The following RPS6KA2 variants were observed in gnomAD, a reference collection of about 807,000 sequenced individuals.
RPS6KA2 encodes the protein ribosomal protein S6 kinase A2.
Under a neutral mutation model 91.8 loss-of-function variants are expected in RPS6KA2, and 42 were observed. That is an observed-to-expected ratio of 0.46 (90% CI 0.36 to 0.59). RPS6KA2 has a LOEUF of 0.59. Among genes scored for constraint, RPS6KA2 ranks in the 20% least tolerant of loss-of-function variants. The probability of loss-of-function intolerance (pLI) is 0.00; values close to 1 mark genes in which losing one functional copy is unlikely to be tolerated. For synonymous variants in RPS6KA2, 414 were observed against 393.6 expected (o/e 1.05, Z -0.61); for missense variants, 798 against 978.5 (o/e 0.82, Z 2.46).
chr6:166,831,384 T>C (rs114703797), intron 2 of RPS6KA2, among the ~76,000 whole-genome samples: 20 of 152,266 alleles, frequency 1.3e-4, no homozygotes, highest in African/African-American at 4.6e-4. Flanking sequence ...GGAGCTTCTC[T>C]ACTTCAACTT....
chr6:166,672,136 G>T (rs191871887), intron 2 of RPS6KA2, among the ~76,000 whole-genome samples: 105 of 152,248 alleles, frequency 6.9e-4, no homozygotes, highest in African/African-American at 2.4e-3. Context: ...CAGACACCAA[G>T]GAAAACCCTG....
chr6:166,531,331 G>A lies in RPS6KA2; in HGVS notation c.217-18C>T. 6.3e-7 allele frequency: 1 copy of A among 1,594,926 alleles called. No homozygotes were observed. The highest frequency in any genetic ancestry group is 1.1e-5 in the South Asian group (1 of 90,656). On this transcript the variant is annotated intron_variant, in intron 2 of 20. Coordinates refer to ENST00000265678, the MANE Select transcript of RPS6KA2 (RefSeq NM_021135.6). ...AGGAACACCTTAGCAAGAGAAAACG[G>A]AACATCAGAAACCCGTAAGACTTCA...
chr6:166,808,830 C>A (rs1243689010), intron 2 of RPS6KA2, among the ~76,000 whole-genome samples: 3 of 152,170 alleles, frequency 2.0e-5, no homozygotes, highest in Non-Finnish European at 4.4e-5. Flanking sequence ...CAATTCCAAT[C>A]AAAATTCTAG....
chr6:166,792,318 C>A (rs1006923200), intron 2 of RPS6KA2, among the ~76,000 whole-genome samples: 5 of 152,028 alleles, frequency 3.3e-5, no homozygotes, highest in African/African-American at 1.2e-4. Context: ...AAGTTGAGTC[C>A]CTGAATAGAC....
intron 2 of RPS6KA2, among the ~76,000 whole-genome samples, chr6:166,676,858 G>C (rs1788635256): frequency 6.6e-6 from 1 of 152,224 alleles, no homozygotes; most frequent in African/African-American, 2.4e-5. Context: ...AGAGGCTCAT[G>C]ATTATGAATT....
intron 3 of RPS6KA2, among the ~76,000 whole-genome samples, chr6:166,513,355 G>A (rs2128484030): frequency 6.6e-6 from 1 of 152,334 alleles, no homozygotes; most frequent in South Asian, 2.1e-4. Context: ...AAGGTGGAGG[G>A]TGCGGGAGCG....
chr6:166,468,632 G>GA (rs1255225315), intron 11 of RPS6KA2, among the ~76,000 whole-genome samples: 2 of 152,170 alleles, frequency 1.3e-5, no homozygotes, highest in African/African-American at 4.8e-5. Flanking sequence ...GGGAGGCCAA[G>GA]GTGGGTGGAT....
Position 166,481,816 on chromosome 6 carries a change from G to A in RPS6KA2, c.907+7017C>T, listed in dbSNP as rs544339659. On this transcript the variant is annotated intron_variant, in intron 10 of 20. Transcript: ENST00000265678. The stretch of plus-strand genomic sequence containing the variant: ...GAGTTCTCTGATAAGATGGCAGACT[G>A]CAGGTATACCTCTCTGATCGATCTT... Among the ~76,000 whole-genome samples the A allele has an allele frequency of 7.3e-5, 11 of 151,130 alleles. No homozygotes were observed. In the South Asian group the frequency reaches 2.1e-3, roughly 29 times the overall value.
chr6:166,651,689 A>G, intron 2 of RPS6KA2, among the ~76,000 whole-genome samples: 1 of 152,252 alleles, frequency 6.6e-6, no homozygotes, highest in Non-Finnish European at 1.5e-5. Flanking sequence ...AGAGGACAGC[A>G]GCCCTTACAC....
At chr6:166,513,605 G>A (rs531705202) in intron 3 of RPS6KA2, among the ~76,000 whole-genome samples, 8 of 152,318 alleles carry the variant, frequency 5.3e-5, no homozygotes, top group African/African-American at 7.2e-5. Context: ...CCTGGCGTAC[G>A]TCCCAGCCAG....
At chr6:166,736,226 T>C (rs1790666272) in intron 2 of RPS6KA2, among the ~76,000 whole-genome samples, 1 of 152,224 alleles carries the variant, frequency 6.6e-6, no homozygotes, top group Non-Finnish European at 1.5e-5. Context: ...GAGTTGAAGT[T>C]ATTTGTCTCA....
chr6:166,458,666 G>A lies in RPS6KA2; in HGVS notation c.1075+783C>T, dbSNP rs549859384. Among the ~76,000 whole-genome samples the A allele has an allele frequency of 5.9e-5, 9 of 152,292 alleles. No individual in the cohort carries two copies. In the South Asian group the frequency reaches 6.2e-4, roughly 11 times the overall value. ...TTTGCACACACAGAAGAAAGGCCAC[G>A]TGGGGACACAGCAAGAACACAGCTG... On this transcript the variant is annotated intron_variant, in intron 12 of 20. Transcript: ENST00000265678.
rs140205414 is a variant in RPS6KA2, at chr6:166,437,838, G to A, written c.1333-5348C>T. ...ACCTTTCCTCCTGCTGGCCGAAGGC[G>A]GCAACAGGAGACTTCACCGCTCTCG... On this transcript the variant is annotated intron_variant, in intron 14 of 20. Transcript: ENST00000265678. This position sits in a 1 kb window ranked among gnomAD's most constrained non-coding sequence, Gnocchi z 4.3. Among the ~76,000 whole-genome samples the A allele has an allele frequency of 2.9e-3, 447 of 152,216 alleles. 3 individuals carry two copies. The highest frequency in any genetic ancestry group is 9.4e-3 in the African/African-American group (390 of 41,544).
chr6:166,547,033 C>T (rs553243820), intron 1 of RPS6KA2, among the ~76,000 whole-genome samples: 3 of 152,266 alleles, frequency 2.0e-5, no homozygotes, highest in Non-Finnish European at 2.9e-5. Context: ...ACTGCAGCCT[C>T]GACCTCCTGG....
intron 2 of RPS6KA2, among the ~76,000 whole-genome samples, chr6:166,839,680 CAGGAGAGGAGAGGGGAGGAGAGGAG>C (rs1780410004): frequency 5.8e-3 from 4 of 692 alleles, no homozygotes; most frequent in East Asian, 0.071. Context: ...GAAATCAGAG[CAGGAGAGGAGAGGGGAGGAGAGGAG>C]AGGAGAGGAG....
chr6:166,491,534 C>T (rs1781587435), intron 8 of RPS6KA2, among the ~76,000 whole-genome samples: 1 of 152,122 alleles, frequency 6.6e-6, no homozygotes, highest in Non-Finnish European at 1.5e-5. Flanking sequence ...AAAATAAGAC[C>T]CTGAATCTAA....
At position 166,494,832 on chromosome 6, in the gene RPS6KA2, A is replaced by G. The variant is rs764787621; in HGVS notation, c.747+3676T>C. Among the ~76,000 whole-genome samples the G allele has an allele frequency of 2.6e-5, 4 of 151,922 alleles. No homozygotes were observed. Among genetic ancestry groups the G allele is most frequent in the Admixed American group, 6.6e-5 (1 of 15,240 alleles). ...GGACGGCCACCCACACATGAGGACCACTCCCTCAGCACGCGGCCTCCAGGG... is the reference window on the plus strand; with the variant it reads ...GGACGGCCACCCACACATGAGGACCGCTCCCTCAGCACGCGGCCTCCAGGG... On this transcript the variant is annotated intron_variant, in intron 8 of 20. Coordinates refer to ENST00000265678, the MANE Select transcript of RPS6KA2 (RefSeq NM_021135.6). This position sits in a 1 kb window ranked among gnomAD's most constrained non-coding sequence, Gnocchi z 5.1.
intron 2 of RPS6KA2, among the ~76,000 whole-genome samples, chr6:166,725,457 C>T (rs1248785826): frequency 1.3e-5 from 2 of 152,244 alleles, no homozygotes; most frequent in Non-Finnish European, 2.9e-5. Context: ...CCTCACCCTC[C>T]CCTTCAGCCT....
chr6:166,489,859 T>C (rs3778432), intron 9 of RPS6KA2, among the ~76,000 whole-genome samples: 27,090 of 151,822 alleles, frequency 0.18, 3,191 homozygotes, highest in African/African-American at 0.33. Flanking sequence ...ATAAAAGTTA[T>C]GTGTCCATTT....
Sources: gnomAD v4.1 joint callset for allele counts (sites outside exome capture counted in the v4.1 genomes callset) on GRCh38, gnomAD v4.1.1 for gene constraint, Gnocchi (gnomAD v3.1) non-coding constraint, MANE v1.5 for transcripts, NCBI Gene and HGNC (gene_info 2026-07-23, HGNC 2026-07-21) for gene names.